Variants in CAMKMT observed in about 807,000 individuals in gnomAD.
The protein encoded by CAMKMT is CaM KMT.
A neutral mutation model predicts 48.0 loss-of-function variants in CAMKMT; 53 were observed. The observed-to-expected ratio is 1.10, with a 90% CI of 0.89 to 1.39. The LOEUF is 1.39. Ranked by LOEUF, CAMKMT falls within the 40% of genes most tolerant of loss-of-function variation. The pLI, the probability that CAMKMT is intolerant of heterozygous loss-of-function variation, is 0.00. For synonymous variants in CAMKMT, 165 were observed against 152.3 expected, an observed-to-expected ratio of 1.08 and a Z score of -0.61; for missense variants, 428 against 402.7, an observed-to-expected ratio of 1.06 and a Z score of -0.54.
At chr2:44,600,114 CAT>C (rs946652685) in intron 3 of CAMKMT, among the ~76,000 whole-genome samples, 52 of 152,082 alleles carry the variant, frequency 3.4e-4, no homozygotes, top group African/African-American at 1.2e-3. Flanking sequence ...CTGAAATTTA[CAT>C]TTATCATTGA....
intron 3 of CAMKMT, among the ~76,000 whole-genome samples, chr2:44,650,173 CT>C (rs2104032826): frequency 6.6e-6 from 1 of 152,296 alleles, no homozygotes; most frequent in African/African-American, 2.4e-5. Flanking sequence ...CATGCTCCAT[CT>C]GAAACCCCTA....
chr2:44,702,225 G>A (rs1677297512), intron 3 of CAMKMT, among the ~76,000 whole-genome samples: 1 of 151,904 alleles, frequency 6.6e-6, no homozygotes, highest in African/African-American at 2.4e-5. Context: ...TCTTCCTTCA[G>A]AGACTTTTAT....
chr2:44,612,902 G>C (rs1671676579), intron 3 of CAMKMT, among the ~76,000 whole-genome samples: 1 of 152,042 alleles, frequency 6.6e-6, no homozygotes, highest in Non-Finnish European at 1.5e-5. Flanking sequence ...GACTTTTAAA[G>C]CCTAAGTCAA....
At chr2:44,421,883 C>G (rs1156614527) in intron 3 of CAMKMT, among the ~76,000 whole-genome samples, 2 of 152,102 alleles carry the variant, frequency 1.3e-5, no homozygotes, top group African/African-American at 4.8e-5. Context: ...TGTTGAATAA[C>G]TTGAGTAGAA....
At chr2:44,551,248 G>A (rs1048296486) in intron 3 of CAMKMT, among the ~76,000 whole-genome samples, 3 of 152,130 alleles carry the variant, frequency 2.0e-5, no homozygotes, top group Non-Finnish European at 4.4e-5. Flanking sequence ...CAGTGCGTGG[G>A]CATGCCTTCT....
intron 3 of CAMKMT, among the ~76,000 whole-genome samples, chr2:44,665,259 CG>C (rs1674901070): frequency 1.3e-5 from 2 of 151,936 alleles, no homozygotes. Context: ...TTGGTAGAGA[CG>C]GGGTTTCACC....
chr2:44,632,609 T>G (rs1672900120), intron 3 of CAMKMT, among the ~76,000 whole-genome samples: 1 of 152,118 alleles, frequency 6.6e-6, no homozygotes, highest in Admixed American at 6.6e-5. Flanking sequence ...TAATACGGAG[T>G]ATCAACTTGG....
At chr2:44,403,700 G>T (rs936315819) in intron 3 of CAMKMT, among the ~76,000 whole-genome samples, 1 of 151,960 alleles carries the variant, frequency 6.6e-6, no homozygotes, top group African/African-American at 2.4e-5. Flanking sequence ...CATCTTTAAC[G>T]CATACACACA....
chr2:44,552,820 CTTTA>C (rs1467250023), intron 3 of CAMKMT, among the ~76,000 whole-genome samples: 1 of 151,862 alleles, frequency 6.6e-6, no homozygotes, highest in African/African-American at 2.4e-5. Context: ...GGGCTATTTA[CTTTA>C]TTTATTTATT....
chr2:44,571,555 T>C (rs774867686), intron 3 of CAMKMT, among the ~76,000 whole-genome samples: 1 of 152,230 alleles, frequency 6.6e-6, no homozygotes, highest in Non-Finnish European at 1.5e-5. Context: ...TTTCTCAGAC[T>C]TAATAACAAA....
intron 3 of CAMKMT, among the ~76,000 whole-genome samples, chr2:44,629,989 C>T (rs1178808312): frequency 1.3e-5 from 2 of 151,364 alleles, no homozygotes; most frequent in East Asian, 3.9e-4. Flanking sequence ...TACCTGACTT[C>T]AAACTATACT....
chr2:44,533,738 A>G (rs1001699730), intron 3 of CAMKMT, among the ~76,000 whole-genome samples: 3 of 152,210 alleles, frequency 2.0e-5, no homozygotes, highest in African/African-American at 7.2e-5. Context: ...AAGCAAACAC[A>G]CAAATGAGGA....
chr2:44,531,307 C>G (rs1459194446), intron 3 of CAMKMT, among the ~76,000 whole-genome samples: 3 of 152,070 alleles, frequency 2.0e-5, no homozygotes, highest in Non-Finnish European at 4.4e-5. Flanking sequence ...ATATATGGCT[C>G]TACTTACACA....
intron 3 of CAMKMT, among the ~76,000 whole-genome samples, chr2:44,624,788 C>A (rs1085413): frequency 1.3e-5 from 2 of 152,086 alleles, no homozygotes; most frequent in South Asian, 2.1e-4. Context: ...ATAAATATAC[C>A]TGTGCATGTG....
intron 3 of CAMKMT, chr2:44,549,451 G>C: frequency 1.5e-6 from 1 of 659,050 alleles, no homozygotes; most frequent in Non-Finnish European, 2.7e-6. Context: ...GGAAGACTCA[G>C]TTTTTCCTGT....
chr2:44,488,843 T>TTGTGTGTG (rs142299931), intron 3 of CAMKMT, among the ~76,000 whole-genome samples: 11,366 of 141,928 alleles, frequency 0.08, 949 homozygotes, highest in East Asian at 0.28. Context: ...CTTAGGGTAT[T>TTGTGTGTG]TGTGTGTGTG....
intron 10 of CAMKMT, among the ~76,000 whole-genome samples, chr2:44,767,917 T>G (rs1224952942): frequency 6.6e-6 from 1 of 152,158 alleles, no homozygotes; most frequent in Non-Finnish European, 1.5e-5. Context: ...ACAAATGCTT[T>G]TAGTTTCCCA....
At chr2:44,487,784 C>G (rs762447353) in intron 3 of CAMKMT, among the ~76,000 whole-genome samples, 1 of 152,220 alleles carries the variant, frequency 6.6e-6, no homozygotes, top group Non-Finnish European at 1.5e-5. Flanking sequence ...TTTAGAAATT[C>G]CCACAGTTCT....
At chr2:44,419,327 T>C (rs191461256) in intron 3 of CAMKMT, among the ~76,000 whole-genome samples, 2 of 152,332 alleles carry the variant, frequency 1.3e-5, no homozygotes, top group Non-Finnish European at 2.9e-5. Context: ...TACAAAAGCA[T>C]TCCAGTGTTT....
Sources: gnomAD v4.1 joint callset for allele counts (sites outside exome capture counted in the v4.1 genomes callset) on GRCh38, gnomAD v4.1.1 for gene constraint, MANE v1.5 for transcripts, NCBI Gene and HGNC (gene_info 2026-07-23, HGNC 2026-07-21) for gene names.